The following UBXN11 variants were observed in gnomAD, a reference collection of about 807,000 sequenced individuals.
UBXN11 encodes the protein UBX domain-containing protein 11.
A neutral mutation model predicts 62.8 loss-of-function variants in UBXN11; 47 were observed. That is an observed-to-expected ratio of 0.75 (90% CI 0.59 to 0.95). The LOEUF is 0.95. Ranked by LOEUF, UBXN11 falls within the 40% of genes least tolerant of loss-of-function variation. The pLI is 0.00. For synonymous variants in UBXN11, 294 were observed against 267.0 expected, an observed-to-expected ratio of 1.10 and a Z score of -0.99; for missense variants, 638 against 661.7, an observed-to-expected ratio of 0.96 and a Z score of 0.39.
intron 1 of UBXN11, chr1:26,318,024 C>A: frequency 6.2e-7 from 1 of 1,614,126 alleles, no homozygotes; most frequent in Non-Finnish European, 8.5e-7. Context: ...CAAAATGAAG[C>A]GCTTCCTCTT....
upstream of UBXN11, among the ~76,000 whole-genome samples, chr1:26,308,344 A>G (rs1366263039): frequency 6.6e-6 from 1 of 152,108 alleles, no homozygotes; most frequent in Non-Finnish European, 1.5e-5. Flanking sequence ...AGCGGCTTGC[A>G]TAAGATTATA....
intron 1 of UBXN11, among the ~76,000 whole-genome samples, chr1:26,304,610 G>A (rs773535549): frequency 3.3e-5 from 5 of 152,012 alleles, no homozygotes; most frequent in East Asian, 1.9e-4. Flanking sequence ...AAAATTAGCC[G>A]GGCTTGGTGG....
intron 8 of UBXN11, 84 bp downstream of exon 8, chr1:26,294,121 T>C: frequency 2.6e-6 from 4 of 1,564,324 alleles, no homozygotes; most frequent in South Asian, 1.2e-5. Flanking sequence ...ACGAATGAGA[T>C]AGGCCTCTGG....
intron 8 of UBXN11, among the ~76,000 whole-genome samples, chr1:26,289,482 G>A (rs1469673349): frequency 6.6e-6 from 1 of 151,978 alleles, no homozygotes; most frequent in Non-Finnish European, 1.5e-5. Flanking sequence ...CAGCCATGCT[G>A]GGCACCCCTT....
In UBXN11 at chr1:26,287,355, C is replaced by T. The variant is rs981098212; in HGVS notation, c.560-1318G>A. 5.4e-4 allele frequency among the ~76,000 whole-genome samples: 82 copies of T among 152,142 alleles called. 1 individual carries two copies. Among genetic ancestry groups the T allele is most frequent in the Non-Finnish European group, 1.8e-4 (12 of 68,002 alleles). On this transcript the variant is annotated intron_variant, in intron 8 of 14. Transcript: ENST00000374222. ...TGTGTTCTGGCTTCAGGGGAGAATACGGAGCGGTGGGGACAGCCGTGACAG... is the reference window on the plus strand; with the variant it reads ...TGTGTTCTGGCTTCAGGGGAGAATATGGAGCGGTGGGGACAGCCGTGACAG...
intron 4 of UBXN11, 46 bp downstream of exon 4, chr1:26,300,878 GCC>G (rs757918157): frequency 1.2e-6 from 2 of 1,613,542 alleles, no homozygotes; most frequent in Admixed American, 3.3e-5. Context: ...CGTCTCTGGG[GCC>G]CCCTCCTGCA....
chr1:26,287,607 CAGT>C (rs1354244080), intron 8 of UBXN11, among the ~76,000 whole-genome samples: 22 of 152,172 alleles, frequency 1.4e-4, no homozygotes, highest in African/African-American at 4.3e-4. Context: ...CCTTTCCTCT[CAGT>C]GGTGCAGTGG....
chr1:26,305,162 G>A (rs1381116636), intron 1 of UBXN11, among the ~76,000 whole-genome samples: 2 of 151,808 alleles, frequency 1.3e-5, no homozygotes, highest in East Asian at 1.9e-4. Context: ...GAGCAATGGC[G>A]CAATCTCGGC....
chr1:26,296,635 G>C (rs1459326323), intron 7 of UBXN11, among the ~76,000 whole-genome samples: 2 of 152,204 alleles, frequency 1.3e-5, no homozygotes, highest in Admixed American at 1.3e-4. Context: ...GGGCCACAGC[G>C]AGGACTGTAG....
chr1:26,294,415 TCA>T lies in UBXN11; in HGVS notation c.433-86_433-85del, dbSNP rs373009537. ...GGCAGTGTCAGCCCAAAGCCCAGCC[TCA>T]GTCTGCAGGCAATGGGGCCCCCAGA... On this transcript the variant is annotated intron_variant, in intron 7 of 14. Transcript: ENST00000374222. 2.0e-4 allele frequency: 311 copies of T among 1,555,782 alleles called. 1 individual carries two copies. The African/African-American group carries it at 3.8e-3, about 19-fold the overall frequency.
chr1:26,311,162 C>T (rs538844758), upstream of UBXN11, among the ~76,000 whole-genome samples: 3 of 140,506 alleles, frequency 2.1e-5, no homozygotes, highest in Non-Finnish European at 4.6e-5. Flanking sequence ...TTTTTTGAGA[C>T]AGAATCTCAC....
chr1:26,318,331 C>T (rs983957882), exon 1 of UBXN11: 25 of 450,828 alleles, frequency 5.5e-5, no homozygotes, highest in Non-Finnish European at 8.9e-5. Context: ...GTGCTAGGCG[C>T]GTTGGGGCAC....
upstream of UBXN11, chr1:26,306,709 A>C (rs1252527293): frequency 6.6e-6 from 1 of 152,092 alleles, no homozygotes; most frequent in Non-Finnish European, 1.5e-5. Flanking sequence ...AGCAACCTGC[A>C]GACAGCGAAG....
intron 8 of UBXN11, among the ~76,000 whole-genome samples, chr1:26,287,373 C>G (rs1180270024): frequency 1.3e-5 from 2 of 151,992 alleles, no homozygotes; most frequent in Non-Finnish European, 2.9e-5. Flanking sequence ...TGGGGACAGC[C>G]GTGACAGACA....
chr1:26,299,466 T>C (rs910079367), intron 4 of UBXN11, among the ~76,000 whole-genome samples: 8 of 150,140 alleles, frequency 5.3e-5, no homozygotes, highest in African/African-American at 2.0e-4. Flanking sequence ...AAGTAGTGAT[T>C]TGCACCGCTG....
intron 1 of UBXN11, among the ~76,000 whole-genome samples, chr1:26,312,332 A>G (rs2124681350): frequency 6.6e-6 from 1 of 152,132 alleles, no homozygotes; most frequent in Admixed American, 6.5e-5. Context: ...GTTCACTGCA[A>G]TCTCCACCTC....
chr1:26,296,791 G>T, intron 7 of UBXN11, 128 bp downstream of exon 7: 1 of 968,434 alleles, frequency 1.0e-6, no homozygotes, highest in Non-Finnish European at 1.5e-6. Flanking sequence ...ATGCAGGGCA[G>T]GGTCCCTGGG....
At chr1:26,318,096 G>T in exon 1 of UBXN11, 1 of 1,609,028 alleles carries the variant, frequency 6.2e-7, no homozygotes, top group Non-Finnish European at 8.5e-7. Flanking sequence ...TGGCACCACT[G>T]CCAGGACTCC....
intron 6 of UBXN11, 48 bp from the exon 7 acceptor site, chr1:26,297,043 G>T (rs1296495712): frequency 1.9e-6 from 3 of 1,560,274 alleles, no homozygotes; most frequent in Non-Finnish European, 1.7e-6. Context: ...GCAAGACACT[G>T]CCAGGTCACC....
Sources: allele counts gnomAD v4.1 joint callset (sites outside exome capture counted in the v4.1 genomes callset), GRCh38; gene constraint gnomAD v4.1.1; transcripts MANE v1.5; gene names NCBI Gene and HGNC (gene_info 2026-07-23, HGNC 2026-07-21).